The following DSCAML1 variants were observed in gnomAD, a reference collection of about 807,000 sequenced individuals.
DSCAML1 encodes the protein DS cell adhesion molecule like 1.
In DSCAML1, 38 loss-of-function variants were observed where a neutral mutation model predicts 200.5. The ratio of observed to expected loss-of-function variants is 0.19; its 90% CI spans 0.15 to 0.25. The LOEUF is 0.25. DSCAML1 is among the 10% of genes least tolerant of loss of function. The pLI is 1.00. For missense variants in DSCAML1, 2,223 were observed against 2,858.8 expected (o/e 0.78, Z 5.07); for synonymous variants, 1,215 against 1,165.0 (o/e 1.04, Z -0.87).
intron 3 of DSCAML1, among the ~76,000 whole-genome samples, chr11:117,679,637 C>A (rs1294205306): frequency 6.6e-6 from 1 of 152,202 alleles, no homozygotes; most frequent in East Asian, 1.9e-4. Context: ...TCTGCCCTAC[C>A]TCACCTTCAC....
intron 3 of DSCAML1, among the ~76,000 whole-genome samples, chr11:117,729,380 T>G (rs1232893907): frequency 6.6e-6 from 1 of 152,146 alleles, no homozygotes. Context: ...TCTTTAGATA[T>G]GATACCAAAG....
intron 19 of DSCAML1, among the ~76,000 whole-genome samples, chr11:117,455,382 T>C (rs1346252396): frequency 6.6e-6 from 1 of 152,202 alleles, no homozygotes; most frequent in Non-Finnish European, 1.5e-5. Flanking sequence ...AAGAATTACC[T>C]TCCTAAAACA....
At chr11:117,786,919 G>A (rs1376182064) in intron 1 of DSCAML1, among the ~76,000 whole-genome samples, 2 of 152,074 alleles carry the variant, frequency 1.3e-5, no homozygotes, top group African/African-American at 4.8e-5. Flanking sequence ...AGAGGTCATG[G>A]GTCTTCAGGG....
chr11:117,785,904 C>T (rs1246230020), intron 1 of DSCAML1, among the ~76,000 whole-genome samples: 2 of 152,184 alleles, frequency 1.3e-5, no homozygotes, highest in Admixed American at 1.3e-4. Context: ...CAAGATCCTA[C>T]AGCCAGGAAG....
intron 3 of DSCAML1, among the ~76,000 whole-genome samples, chr11:117,552,117 C>T (rs963573043): frequency 2.0e-5 from 3 of 151,756 alleles, no homozygotes; most frequent in Non-Finnish European, 2.9e-5. Context: ...GCAGGTCCAT[C>T]GGGGTGGGCA....
chr11:117,766,087 C>T (rs1565271572), intron 3 of DSCAML1, among the ~76,000 whole-genome samples: 2 of 152,206 alleles, frequency 1.3e-5, no homozygotes, highest in Non-Finnish European at 2.9e-5. Flanking sequence ...ACAAACATTG[C>T]CTGGGTGCCT....
At chr11:117,574,361 C>T (rs993322479) in intron 3 of DSCAML1, among the ~76,000 whole-genome samples, 11 of 152,106 alleles carry the variant, frequency 7.2e-5, no homozygotes, top group African/African-American at 2.4e-4. Context: ...GTGGAGGGTT[C>T]CTTGGGGCAG....
At chr11:117,746,717 G>A (rs1361185093) in intron 3 of DSCAML1, among the ~76,000 whole-genome samples, 1 of 151,912 alleles carries the variant, frequency 6.6e-6, no homozygotes, top group East Asian at 1.9e-4. Flanking sequence ...AGGGACCCTA[G>A]GGTGCTCCCC....
intron 3 of DSCAML1, among the ~76,000 whole-genome samples, chr11:117,729,972 G>A (rs539648775): frequency 5.3e-5 from 8 of 152,208 alleles, no homozygotes; most frequent in African/African-American, 1.4e-4. Flanking sequence ...AGGCCAGGGC[G>A]GGTGGATCAT....
At position 117,780,296 on chromosome 11, in the gene DSCAML1, G is replaced by GAAAGAAAGAAAGA. The variant is rs1555032777; in HGVS notation, c.364+196_364+197insTCTTTCTTTCTTT. ...AGAAAGAAAGAAAGAAAGAAAGAAAGAAAGAAAGAGAGAAAGGAGAAAGAA... is the reference window on the plus strand; with the variant it reads ...AGAAAGAAAGAAAGAAAGAAAGAAAGAAAGAAAGAAAGAAAAGAAAGAGAGAAAGGAGAAAGAA... On this transcript the variant is annotated intron_variant, in intron 2 of 32. Transcript: ENST00000651296. This position sits in a 1 kb window ranked among gnomAD's most constrained non-coding sequence, Gnocchi z 4.8. Among the ~76,000 whole-genome samples the GAAAGAAAGAAAGA allele has an allele frequency of 6.8e-4, 73 of 106,966 alleles. No homozygotes were observed. Among genetic ancestry groups the GAAAGAAAGAAAGA allele is most frequent in the African/African-American group, 2.1e-3 (69 of 32,550 alleles). The allele number at this position is 106,966 out of a possible 152,430, so 70.2% of individuals were successfully genotyped here.
At chr11:117,679,390 T>C (rs950429734) in intron 3 of DSCAML1, among the ~76,000 whole-genome samples, 1 of 152,162 alleles carries the variant, frequency 6.6e-6, no homozygotes, top group East Asian at 1.9e-4. Flanking sequence ...GGAGAGGCAC[T>C]CAGAAGGCCT....
chr11:117,708,060 CA>C (rs1407033823), intron 3 of DSCAML1, among the ~76,000 whole-genome samples: 2 of 152,208 alleles, frequency 1.3e-5, no homozygotes, highest in Non-Finnish European at 2.9e-5. Context: ...CTGCTCAGGA[CA>C]ACACCATGTC....
At chr11:117,659,884 A>C (rs771241664) in intron 3 of DSCAML1, among the ~76,000 whole-genome samples, 1 of 124,386 alleles carries the variant, frequency 8.0e-6, no homozygotes, top group South Asian at 2.5e-4. Flanking sequence ...AGGCCTAGCT[A>C]AATTTTTTTT....
At chr11:117,587,663 T>C (rs1438914934) in intron 3 of DSCAML1, among the ~76,000 whole-genome samples, 2 of 152,148 alleles carry the variant, frequency 1.3e-5, no homozygotes, top group East Asian at 1.9e-4. Flanking sequence ...GAGCAGGGGA[T>C]GGGCTCAGAG....
rs60879756 is a variant in DSCAML1 at position 117,718,668 on chromosome 11, ACCCC to A, written c.511+58119_511+58122del. On this transcript the variant is annotated intron_variant, in intron 3 of 32. Coordinates refer to ENST00000651296, the MANE Select transcript of DSCAML1 (RefSeq NM_020693.4). ...CACACACACAAGATGAATACTCAAAACCCCCCCCCCCCCCCATCATATGAGACCT... is the reference window on the plus strand; with the variant it reads ...CACACACACAAGATGAATACTCAAAACCCCCCCCCCCATCATATGAGACCT... Among the ~76,000 whole-genome samples, 8 of 25,836 alleles carry A rather than the reference ACCCC, an allele frequency of 3.1e-4. 1 individual carries two copies. The highest frequency in any genetic ancestry group is 1.2e-3 in the Admixed American group (2 of 1,608). The allele number at this position is 25,836 out of a possible 152,430, so 16.9% of individuals were successfully genotyped here.
At chr11:117,768,904 C>T (rs547622319) in intron 3 of DSCAML1, among the ~76,000 whole-genome samples, 29 of 150,818 alleles carry the variant, frequency 1.9e-4, no homozygotes, top group Admixed American at 1.7e-3. Flanking sequence ...GGTGAAACCC[C>T]GTCTCTACTA....
intron 3 of DSCAML1, among the ~76,000 whole-genome samples, chr11:117,694,057 T>TTATATATATATATA (rs35313833): frequency 4.3e-5 from 5 of 116,638 alleles, no homozygotes; most frequent in South Asian, 6.5e-4. Flanking sequence ...GGTTCTATCT[T>TTATATATATATATA]TATATATATA....
At chr11:117,475,101 A>G (rs966703867) in intron 14 of DSCAML1, among the ~76,000 whole-genome samples, 9 of 151,544 alleles carry the variant, frequency 5.9e-5, no homozygotes, top group Non-Finnish European at 1.3e-4. Context: ...CCCCATCTCT[A>G]CCTCAGGCTT....
chr11:117,667,814 C>T (rs1328763012), intron 3 of DSCAML1, among the ~76,000 whole-genome samples: 1 of 152,182 alleles, frequency 6.6e-6, no homozygotes, highest in Non-Finnish European at 1.5e-5. Flanking sequence ...ATTCAGTATC[C>T]AGTACTTTTT....
Sources: allele counts gnomAD v4.1 joint callset (sites outside exome capture counted in the v4.1 genomes callset), GRCh38; gene constraint gnomAD v4.1.1; non-coding constraint Gnocchi (gnomAD v3.1); transcripts MANE v1.5; gene names NCBI Gene and HGNC (gene_info 2026-07-23, HGNC 2026-07-21).